Variants in CCNB3 observed in about 807,000 individuals in gnomAD.
CCNB3 encodes the protein G2/mitotic-specific cyclin-B3.
CCNB3 carries 12 observed loss-of-function variants against 68.0 expected under a neutral mutation model. The ratio of observed to expected loss-of-function variants is 0.18; its 90% confidence interval spans 0.11 to 0.29. The LOEUF is 0.29. Among genes scored for constraint, CCNB3 ranks in the 10% least tolerant of loss-of-function variants. The probability of loss-of-function intolerance (pLI) is 1.00; values close to 1 mark genes in which losing one functional copy is unlikely to be tolerated. For synonymous variants in CCNB3, 354 were observed against 388.9 expected (o/e 0.91, Z 1.06); for missense variants, 904 against 993.1 (o/e 0.91, Z 1.21).
At chrX:50,301,733 T>C (rs1936642641) in intron 5 of CCNB3, among the ~76,000 whole-genome samples, 1 of 112,574 alleles carries the variant, frequency 8.9e-6, no homozygotes, top group Non-Finnish European at 1.9e-5. Flanking sequence ...CCCCCAGAGG[T>C]GGAGCCTACA....
Position 50,309,246 on chromosome X carries a change from G to A in CCNB3, c.1077G>A (p.Glu359=). Residue 359 remains glutamate, a synonymous_variant, in exon 6 of 13, where the codon GAG becomes GAA. Coordinates refer to ENST00000376042, the MANE Select transcript of CCNB3 (RefSeq NM_033031.3). ...CCTTGCAGAAGACCAACTTTAAAGA[G>A]GATTCCCTTGTTAAGGAGTCGTTAG... ...SLALQKTNFK[E]DSLVKESLAF... 2 of 1,211,067 alleles carry A rather than the reference G, an allele frequency of 1.7e-6. No homozygotes were observed. The highest frequency in any genetic ancestry group is 1.1e-6 in the Non-Finnish European group (1 of 895,196).
chrX:50,294,799 G>T, intron 4 of CCNB3, 64 bp from the exon 5 acceptor site: 1 of 1,133,287 alleles, frequency 8.8e-7, no homozygotes, highest in Non-Finnish European at 1.2e-6. Context: ...TAGGTAATTT[G>T]TGGTTTTCTT....
chrX:50,335,662 G>A (rs1250882876), intron 8 of CCNB3, among the ~76,000 whole-genome samples: 19 of 111,719 alleles, frequency 1.7e-4, no homozygotes, highest in Admixed American at 1.6e-3. Flanking sequence ...ATTATCATCC[G>A]CCCATATTCG....
At chrX:50,337,260 C>G (rs1922899611) in intron 8 of CCNB3, among the ~76,000 whole-genome samples, 1 of 110,272 alleles carries the variant, frequency 9.1e-6, no homozygotes, top group Admixed American at 9.6e-5. Context: ...GAATGGGGAG[C>G]CCTTCCTCTC....
chrX:50,335,693 C>T (rs782534236), intron 8 of CCNB3, among the ~76,000 whole-genome samples: 3 of 111,657 alleles, frequency 2.7e-5, no homozygotes, highest in Non-Finnish European at 5.6e-5. Context: ...TTAGCTAGAG[C>T]TGGTTTTATC....
intron 1 of CCNB3, among the ~76,000 whole-genome samples, chrX:50,218,348 G>A (rs936479523): frequency 7.2e-5 from 8 of 110,947 alleles, no homozygotes; most frequent in Non-Finnish European, 9.4e-5. Flanking sequence ...TTGTTACATC[G>A]GTATACATGT....
At chrX:50,299,244 T>C (rs1557211828) in intron 5 of CCNB3, among the ~76,000 whole-genome samples, 2 of 111,637 alleles carry the variant, frequency 1.8e-5, no homozygotes, top group African/African-American at 6.5e-5. Context: ...ATTTTAGATC[T>C]TTCCTGCTTT....
intron 8 of CCNB3, among the ~76,000 whole-genome samples, chrX:50,340,124 C>T (rs923698431): frequency 1.8e-5 from 2 of 111,977 alleles, no homozygotes; most frequent in South Asian, 3.7e-4. Flanking sequence ...TGACCATCTT[C>T]GGATAATCAT....
intron 1 of CCNB3, among the ~76,000 whole-genome samples, chrX:50,226,187 A>G (rs1408478098): frequency 1.4e-5 from 1 of 70,819 alleles, no homozygotes; most frequent in East Asian, 4.1e-4. Context: ...ATATAGATAT[A>G]TAAATATATA....
chrX:50,283,800 C>T (rs755007326), intron 1 of CCNB3, among the ~76,000 whole-genome samples: 11 of 111,116 alleles, frequency 9.9e-5, no homozygotes, highest in African/African-American at 3.6e-4. Context: ...GTCCTGATCA[C>T]ATGTTACTTC....
chrX:50,212,739 G>C (rs1935502507), intron 1 of CCNB3, among the ~76,000 whole-genome samples: 1 of 110,900 alleles, frequency 9.0e-6, no homozygotes, highest in Non-Finnish European at 1.9e-5. Flanking sequence ...CTATATATTT[G>C]CCTATTCTGG....
chrX:50,300,615 G>A (rs782668893), intron 5 of CCNB3, among the ~76,000 whole-genome samples: 14 of 111,020 alleles, frequency 1.3e-4, no homozygotes, highest in South Asian at 3.9e-4. Context: ...ATGTGTCTTG[G>A]AGTTGCTCTT....
intron 1 of CCNB3, among the ~76,000 whole-genome samples, chrX:50,227,047 CAAATATATAGAATATATAT>C (rs1183105346): frequency 2.9e-5 from 2 of 68,340 alleles, no homozygotes; most frequent in East Asian, 4.2e-4. Flanking sequence ...AGAATATATA[CAAATATATAGAATATATAT>C]ACAAATATAA....
chrX:50,280,090 C>T (rs1359737431), intron 1 of CCNB3, among the ~76,000 whole-genome samples: 1,783 of 17,783 alleles, frequency 0.1, 44 homozygotes, highest in African/African-American at 0.22. Flanking sequence ...ATATGGAATA[C>T]ATATAAATAT....
rs781829696 is a variant in CCNB3 at position 50,317,502 on chromosome X, GTCTC to G, written c.3516+3563_3516+3566del. The stretch of plus-strand genomic sequence containing the variant: ...CCTAAACCTAGGTCAGGAATATTCT[GTCTC>G]TCTCTCTCATGTGTATGTGTGTGTG... On this transcript the variant is annotated intron_variant, in intron 8 of 12. Coordinates refer to ENST00000376042, the MANE Select transcript of CCNB3 (RefSeq NM_033031.3). Among the ~76,000 whole-genome samples, 512 of 109,273 alleles carry G rather than the reference GTCTC, an allele frequency of 4.7e-3. 8 individuals are homozygous for G. The East Asian group carries it at 0.069, about 15-fold the overall frequency. 94.9% of individuals were successfully genotyped at this position (109,273 alleles called of 115,157 possible). A position where few individuals can be genotyped will look rare whatever the true frequency, so the allele number is the denominator to read the frequency against.
chrX:50,347,552 A>G (rs1557220535), intron 10 of CCNB3, 74 bp from the exon 11 acceptor site: 1 of 1,026,576 alleles, frequency 9.7e-7, no homozygotes, highest in Admixed American at 2.4e-5. Flanking sequence ...GGATGATGTA[A>G]CTGGAGAGGG....
chrX:50,333,048 T>C (rs1336631920), intron 8 of CCNB3, among the ~76,000 whole-genome samples: 1 of 111,475 alleles, frequency 9.0e-6, no homozygotes, highest in African/African-American at 3.3e-5. Flanking sequence ...ACTTTAATCC[T>C]GTTTCCTGAC....
chrX:50,226,822 A>G (rs1444861279), intron 1 of CCNB3, among the ~76,000 whole-genome samples: 2 of 78,556 alleles, frequency 2.5e-5, no homozygotes, highest in East Asian at 3.6e-4. Context: ...ATATATAAAT[A>G]TATACATGAA....
chrX:50,228,511 T>C (rs1269399949), intron 1 of CCNB3, among the ~76,000 whole-genome samples: 1 of 90,324 alleles, frequency 1.1e-5, no homozygotes, highest in African/African-American at 3.9e-5. Context: ...ACATAGAATA[T>C]GTATAGAGGT....
Sources: allele counts gnomAD v4.1 joint callset (sites outside exome capture counted in the v4.1 genomes callset), GRCh38; gene constraint gnomAD v4.1.1; transcripts MANE v1.5; gene names NCBI Gene and HGNC (gene_info 2026-07-23, HGNC 2026-07-21).